Variants in IL1RAP observed in about 807,000 individuals in gnomAD.
The protein encoded by IL1RAP is interleukin-1 receptor accessory protein.
In IL1RAP, 35 loss-of-function variants were observed where a neutral mutation model predicts 60.7. The ratio of observed to expected loss-of-function variants is 0.58; its 90% confidence interval spans 0.44 to 0.76. The LOEUF (loss-of-function observed/expected upper bound fraction) is 0.76, where lower values mean the gene tolerates loss of function less well. IL1RAP is among the 30% of genes least tolerant of loss of function. The probability of loss-of-function intolerance (pLI) is 0.00; values close to 1 mark genes in which losing one functional copy is unlikely to be tolerated. For synonymous variants in IL1RAP, 268 were observed against 250.9 expected, an observed-to-expected ratio of 1.07 and a Z score of -0.64; for missense variants, 572 against 693.9, an observed-to-expected ratio of 0.82 and a Z score of 1.97.
At chr3:190,648,262 C>G (rs1297074183) in intron 11 of IL1RAP, 76 bp from the exon 12 acceptor site, 1 of 1,514,912 alleles carries the variant, frequency 6.6e-7, no homozygotes, top group Non-Finnish European at 8.8e-7. Context: ...AAGTTCCCTA[C>G]ATTTGCTCCT....
At chr3:190,542,854 T>A (rs9848267) in intron 1 of IL1RAP, among the ~76,000 whole-genome samples, 7,169 of 151,108 alleles carry the variant, frequency 0.047, 210 homozygotes, top group East Asian at 0.073. Context: ...AGTTATCCAC[T>A]GTAACATACA....
At chr3:190,551,240 C>T (rs1387618055) in intron 1 of IL1RAP, among the ~76,000 whole-genome samples, 2 of 152,200 alleles carry the variant, frequency 1.3e-5, no homozygotes, top group Admixed American at 6.5e-5. Context: ...ATTGGCTCTG[C>T]AAGTTGAGCT....
intron 6 of IL1RAP, among the ~76,000 whole-genome samples, chr3:190,621,269 T>C (rs549597902): frequency 1.3e-5 from 2 of 152,362 alleles, no homozygotes; most frequent in Admixed American, 1.3e-4. Context: ...ATCCCAGGTC[T>C]CTGCTCAGGG....
intron 3 of IL1RAP, among the ~76,000 whole-genome samples, chr3:190,602,486 A>G (rs553235318): frequency 9.2e-5 from 14 of 152,326 alleles, no homozygotes; most frequent in South Asian, 4.1e-4. Flanking sequence ...AAAGAATAAA[A>G]TGATGAAAAA....
chr3:190,621,582 C>T (rs1371135146), intron 6 of IL1RAP, among the ~76,000 whole-genome samples: 1 of 152,126 alleles, frequency 6.6e-6, no homozygotes, highest in East Asian at 1.9e-4. Context: ...TTTAAAAATT[C>T]ACAGACAGAT....
exon 12 of IL1RAP, chr3:190,656,522 T>G: frequency 6.5e-7 from 1 of 1,537,336 alleles, no homozygotes; most frequent in Non-Finnish European, 8.7e-7. Flanking sequence ...GGCACCAGAT[T>G]GGAACCCCCT....
At chr3:190,539,400 A>T (rs970388727) in intron 1 of IL1RAP, among the ~76,000 whole-genome samples, 2 of 152,118 alleles carry the variant, frequency 1.3e-5, no homozygotes, top group African/African-American at 4.8e-5. Flanking sequence ...AATTTCAAAA[A>T]TGCTTTTCTA....
chr3:190,659,287 T>G (rs1399170689), exon 12 of IL1RAP: 3 of 152,086 alleles, frequency 2.0e-5, no homozygotes, highest in Admixed American at 6.6e-5. Context: ...AGCTAGAAAA[T>G]TTTGGTGCTC....
At chr3:190,596,391 C>T (rs892446355) in intron 3 of IL1RAP, among the ~76,000 whole-genome samples, 21 of 151,950 alleles carry the variant, frequency 1.4e-4, no homozygotes, top group Non-Finnish European at 2.6e-4. Flanking sequence ...AAAAGTAAGT[C>T]AATTAATCTC....
intron 1 of IL1RAP, among the ~76,000 whole-genome samples, chr3:190,534,774 G>A (rs1723288411): frequency 6.6e-6 from 1 of 152,098 alleles, no homozygotes. Flanking sequence ...CCACTAGTGA[G>A]TTATTGACCT....
At chr3:190,594,907 T>G (rs572207601) in intron 3 of IL1RAP, among the ~76,000 whole-genome samples, 35 of 152,350 alleles carry the variant, frequency 2.3e-4, no homozygotes, top group African/African-American at 7.2e-4. Context: ...ATTATGAGCT[T>G]CTTTTTTGGT....
chr3:190,562,806 G>A (rs1335027100), intron 2 of IL1RAP, among the ~76,000 whole-genome samples: 1 of 151,740 alleles, frequency 6.6e-6, no homozygotes, highest in African/African-American at 2.4e-5. Flanking sequence ...CTCAATACAT[G>A]TTTTATTGAA....
At chr3:190,633,449 T>C (rs1232076509) in intron 9 of IL1RAP, among the ~76,000 whole-genome samples, 1 of 152,092 alleles carries the variant, frequency 6.6e-6, no homozygotes, top group East Asian at 1.9e-4. Flanking sequence ...CTCCACCTCC[T>C]GAGTTCAAGC....
chr3:190,587,887 C>A (rs1728601966), intron 3 of IL1RAP, among the ~76,000 whole-genome samples: 1 of 152,156 alleles, frequency 6.6e-6, no homozygotes, highest in South Asian at 2.1e-4. Context: ...ACCTCTCTTT[C>A]AAACCCCAAA....
chr3:190,553,896 C>T (rs565315535), intron 1 of IL1RAP, among the ~76,000 whole-genome samples: 124 of 151,544 alleles, frequency 8.2e-4, no homozygotes, highest in African/African-American at 3.0e-3. Context: ...CCCGCCTCTA[C>T]TAAAAATACA....
intron 3 of IL1RAP, among the ~76,000 whole-genome samples, chr3:190,569,694 T>G (rs911689580): frequency 1.3e-5 from 2 of 152,154 alleles, no homozygotes; most frequent in Non-Finnish European, 2.9e-5. Flanking sequence ...GAAATTTAAG[T>G]ACCACATAAT....
chr3:190,553,613 A>G (rs1725087237), intron 1 of IL1RAP, among the ~76,000 whole-genome samples: 1 of 152,034 alleles, frequency 6.6e-6, no homozygotes, highest in Non-Finnish European at 1.5e-5. Flanking sequence ...GGGAACGGGG[A>G]GCTGCCGTTT....
intron 4 of IL1RAP, among the ~76,000 whole-genome samples, chr3:190,606,307 C>T (rs895925368): frequency 6.6e-6 from 1 of 152,320 alleles, no homozygotes; most frequent in South Asian, 2.1e-4. Flanking sequence ...CCATCACTTC[C>T]ACTCTGCCAC....
intron 11 of IL1RAP, among the ~76,000 whole-genome samples, chr3:190,647,519 G>T (rs59195022): frequency 0.037 from 5,607 of 152,242 alleles, 314 homozygotes; most frequent in African/African-American, 0.12. Flanking sequence ...GGCATTTCCA[G>T]TTTTCCTGCT....
Sources: allele counts gnomAD v4.1 joint callset (sites outside exome capture counted in the v4.1 genomes callset), GRCh38; gene constraint gnomAD v4.1.1; transcripts MANE v1.5; gene names NCBI Gene and HGNC (gene_info 2026-07-23, HGNC 2026-07-21).